Variants in FAM107B observed in about 807,000 individuals in gnomAD.
The protein encoded by FAM107B is family with sequence similarity 107 member B.
A neutral mutation model predicts 31.5 loss-of-function variants in FAM107B; 21 were observed. That is an observed-to-expected ratio of 0.67 (90% CI 0.47 to 0.96). FAM107B has a LOEUF of 0.96. Among genes scored for constraint, FAM107B ranks in the 40% least tolerant of loss-of-function variants. The pLI is 0.00. For synonymous variants in FAM107B, 157 were observed against 141.5 expected (o/e 1.11, Z -0.78); for missense variants, 452 against 377.1 (o/e 1.20, Z -1.64).
intron 1 of FAM107B, among the ~76,000 whole-genome samples, chr10:14,741,936 G>A (rs1045146273): frequency 1.3e-5 from 2 of 151,824 alleles, no homozygotes; most frequent in African/African-American, 2.4e-5. Context: ...GGATGGTCTC[G>A]ATCTCCTGAC....
chr10:14,599,052 C>T (rs1852278875), intron 2 of FAM107B, among the ~76,000 whole-genome samples: 1 of 152,196 alleles, frequency 6.6e-6, no homozygotes, highest in Non-Finnish European at 1.5e-5. Flanking sequence ...CAGCATAATT[C>T]AAGTCAGCAC....
intron 2 of FAM107B, among the ~76,000 whole-genome samples, chr10:14,634,101 C>T (rs10906721): frequency 0.044 from 6,636 of 152,154 alleles, 209 homozygotes; most frequent in South Asian, 0.069. Flanking sequence ...TATGAAACAG[C>T]TTTTAAGATT....
intron 2 of FAM107B, among the ~76,000 whole-genome samples, chr10:14,593,648 C>T (rs981136050): frequency 4.0e-5 from 6 of 150,934 alleles, no homozygotes; most frequent in African/African-American, 1.5e-4. Context: ...GAGCTGAGAT[C>T]ACACCACTGT....
chr10:14,766,522 A>G (rs1197337951), intron 1 of FAM107B, among the ~76,000 whole-genome samples: 1 of 152,070 alleles, frequency 6.6e-6, no homozygotes, highest in Non-Finnish European at 1.5e-5. Flanking sequence ...GGTACTTTGT[A>G]TTGGATTTGT....
intron 1 of FAM107B, among the ~76,000 whole-genome samples, chr10:14,727,391 A>G (rs1383469786): frequency 6.6e-6 from 1 of 152,350 alleles, no homozygotes; most frequent in African/African-American, 2.4e-5. Flanking sequence ...CACGTCTCTT[A>G]GATCTTAACC....
intron 3 of FAM107B, among the ~76,000 whole-genome samples, chr10:14,527,184 CAA>C (rs200742738): frequency 2.5e-4 from 31 of 124,214 alleles, no homozygotes; most frequent in Admixed American, 4.9e-4. Context: ...ATCTTTTAAC[CAA>C]AAAAAAAAAA....
intron 1 of FAM107B, among the ~76,000 whole-genome samples, chr10:14,683,651 TATC>T (rs1433493238): frequency 6.6e-6 from 1 of 152,200 alleles, no homozygotes; most frequent in Non-Finnish European, 1.5e-5. Flanking sequence ...ACATTAGAAA[TATC>T]ATATGGAGAT....
At chr10:14,534,410 C>T (rs1405635533) in intron 2 of FAM107B, among the ~76,000 whole-genome samples, 1 of 152,200 alleles carries the variant, frequency 6.6e-6, no homozygotes, top group Admixed American at 6.5e-5. Flanking sequence ...ATAACCATCA[C>T]TATGACCTTC....
chr10:14,663,420 C>T (rs1854303535), intron 2 of FAM107B: 1 of 152,350 alleles, frequency 6.6e-6, no homozygotes, highest in East Asian at 1.9e-4. Context: ...CATCCAAGTA[C>T]TAACCAGGCC....
chr10:14,674,901 A>G (rs1356984285), intron 1 of FAM107B, among the ~76,000 whole-genome samples: 1 of 151,946 alleles, frequency 6.6e-6, no homozygotes, highest in African/African-American at 2.4e-5. Flanking sequence ...CACCTGGCTA[A>G]TTTTCATAAT....
chr10:14,530,637 G>T, intron 2 of FAM107B, 122 bp from the exon 3 acceptor site: 1 of 862,012 alleles, frequency 1.2e-6, no homozygotes, highest in East Asian at 2.6e-5. Flanking sequence ...AGTCCACTCT[G>T]GGGCATCGCT....
chr10:14,714,497 A>C (rs539013338), intron 1 of FAM107B, among the ~76,000 whole-genome samples: 7 of 152,364 alleles, frequency 4.6e-5, no homozygotes, highest in South Asian at 2.1e-4. Flanking sequence ...GACAGGCTCA[A>C]AAGGCCCTAA....
At position 14,565,601 on chromosome 10, in the gene FAM107B, T is replaced by C. The variant is rs1850594442; in HGVS notation, c.470-35086A>G. Among the ~76,000 whole-genome samples the C allele has an allele frequency of 3.9e-5, 6 of 152,362 alleles. No homozygotes were observed. In the South Asian group the frequency reaches 1.2e-3, roughly 32 times the overall value. Reference sequence around the variant, plus strand: ...GCAAAGCATGCAAGACTATAAAGGATGCACTGACATAGGTGCTTGAGCTCA... The same window carrying C: ...GCAAAGCATGCAAGACTATAAAGGACGCACTGACATAGGTGCTTGAGCTCA... On this transcript the variant is annotated intron_variant, in intron 2 of 4. Coordinates refer to ENST00000181796, the MANE Select transcript of FAM107B (RefSeq NM_031453.4).
At chr10:14,730,889 A>T (rs1856157607) in intron 1 of FAM107B, among the ~76,000 whole-genome samples, 1 of 152,012 alleles carries the variant, frequency 6.6e-6, no homozygotes, top group African/African-American at 2.4e-5. Context: ...GCATGAATGG[A>T]CAGTGGACAG....
intron 2 of FAM107B, among the ~76,000 whole-genome samples, chr10:14,546,262 G>T (rs2131015575): frequency 6.6e-6 from 1 of 152,284 alleles, no homozygotes; most frequent in African/African-American, 2.4e-5. Context: ...CTCGGACTAG[G>T]ACCAAGATTG....
chr10:14,723,307 T>A, intron 1 of FAM107B: 1 of 540,864 alleles, frequency 1.8e-6, no homozygotes, highest in Non-Finnish European at 3.6e-6. Flanking sequence ...TCTGCACACC[T>A]TCAGACCAGT....
intron 1 of FAM107B, among the ~76,000 whole-genome samples, chr10:14,691,254 G>A (rs1037959347): frequency 2.0e-5 from 3 of 152,126 alleles, no homozygotes; most frequent in African/African-American, 2.4e-5. Flanking sequence ...AGTAGCTATG[G>A]GTGAGGGAAG....
chr10:14,741,644 A>G (rs923953543), intron 1 of FAM107B, among the ~76,000 whole-genome samples: 2 of 134,704 alleles, frequency 1.5e-5, no homozygotes, highest in Non-Finnish European at 3.2e-5. Flanking sequence ...CAGCACTGTT[A>G]TTTTTTTCTT....
At chr10:14,558,012 G>A (rs1055999808) in intron 2 of FAM107B, among the ~76,000 whole-genome samples, 4 of 152,220 alleles carry the variant, frequency 2.6e-5, no homozygotes, top group African/African-American at 7.2e-5. Context: ...GAAAAAGATC[G>A]AATTCGTCTT....
Sources: gnomAD v4.1 joint callset for allele counts (sites outside exome capture counted in the v4.1 genomes callset) on GRCh38, gnomAD v4.1.1 for gene constraint, MANE v1.5 for transcripts, NCBI Gene and HGNC (gene_info 2026-07-23, HGNC 2026-07-21) for gene names.